CDH13: variants seen among roughly 807,000 people sequenced by gnomAD.
CDH13 encodes the protein cadherin-13.
A neutral mutation model predicts 63.8 loss-of-function variants in CDH13; 24 were observed. The observed-to-expected ratio is 0.38, with a 90% CI of 0.27 to 0.53. The LOEUF (loss-of-function observed/expected upper bound fraction) is 0.53, where lower values mean the gene tolerates loss of function less well. Among genes scored for constraint, CDH13 ranks in the 20% least tolerant of loss-of-function variants. The pLI, the probability that CDH13 is intolerant of heterozygous loss-of-function variation, is 0.85. For missense variants in CDH13, 1,049 were observed against 903.1 expected, an observed-to-expected ratio of 1.16 and a Z score of -2.07; for synonymous variants, 503 against 355.3, an observed-to-expected ratio of 1.42 and a Z score of -4.67.
At chr16:83,322,040 C>T (rs545038997) in intron 5 of CDH13, among the ~76,000 whole-genome samples, 1 of 152,164 alleles carries the variant, frequency 6.6e-6, no homozygotes, top group Non-Finnish European at 1.5e-5. Context: ...GGGACTTCAG[C>T]AGGGCTGGCT....
At chr16:82,935,757 C>T (rs1394569245) in intron 2 of CDH13, among the ~76,000 whole-genome samples, 5 of 152,044 alleles carry the variant, frequency 3.3e-5, no homozygotes, top group Admixed American at 2.0e-4. Context: ...GCTATGTTGC[C>T]TGGGGTATAT....
In CDH13 at chr16:83,216,307, C is replaced by T. The variant is rs1411035867; in HGVS notation, c.484-1038C>T. Among the ~76,000 whole-genome samples, 4 of 147,948 alleles carry T rather than the reference C, an allele frequency of 2.7e-5. No individual in the cohort carries two copies. In the South Asian group the frequency reaches 6.5e-4, roughly 24 times the overall value. The stretch of plus-strand genomic sequence containing the variant: ...GAACCCATTTTTATCTCTTTCATAG[C>T]TTTGGCCATGGCCAGCTTGCTGACT... On this transcript the variant is annotated intron_variant, in intron 4 of 13. Coordinates refer to ENST00000567109, the MANE Select transcript of CDH13 (RefSeq NM_001257.5).
At chr16:82,828,994 A>T (rs1160910252) in intron 1 of CDH13, among the ~76,000 whole-genome samples, 1 of 152,176 alleles carries the variant, frequency 6.6e-6, no homozygotes, top group Non-Finnish European at 1.5e-5. Flanking sequence ...ACAAGATTAG[A>T]TACCTTAGGC....
chr16:83,748,131 C>G lies in CDH13; in HGVS notation c.1562C>G (p.Ala521Gly), dbSNP rs1442095618. 3 of 1,613,868 alleles carry G rather than the reference C, an allele frequency of 1.9e-6. No homozygotes were observed. The highest frequency in any genetic ancestry group is 2.5e-6 in the Non-Finnish European group (3 of 1,179,840). ...AGGTATTCTGTTTACAAGGACCCAGCAGGTTGGCTGAATATTAACCCCATC... is the reference window on the plus strand; with the variant it reads ...AGGTATTCTGTTTACAAGGACCCAGGAGGTTGGCTGAATATTAACCCCATC... ...TIRYSVYKDPAGWLNINPING... is the reference protein window; with the variant it reads ...TIRYSVYKDPGGWLNINPING... The change falls in exon 11 of 14, where the codon GCA (alanine) becomes GGA (glycine). Residue 521 changes from alanine to glycine, a missense_variant. Coordinates refer to ENST00000567109, the MANE Select transcript of CDH13 (RefSeq NM_001257.5).
intron 1 of CDH13, among the ~76,000 whole-genome samples, chr16:82,739,125 T>C (rs1389458069): frequency 1.3e-5 from 2 of 152,236 alleles, no homozygotes; most frequent in African/African-American, 4.8e-5. Context: ...ATTCATTCTT[T>C]AGTTAGAATT....
At chr16:82,972,771 T>A (rs1908952025) in intron 2 of CDH13, among the ~76,000 whole-genome samples, 1 of 150,186 alleles carries the variant, frequency 6.7e-6, no homozygotes, top group Non-Finnish European at 1.5e-5. Context: ...GAATCAGCCT[T>A]GTGTTTACAA....
intron 2 of CDH13, among the ~76,000 whole-genome samples, chr16:82,904,044 C>G (rs117072370): frequency 3.9e-3 from 591 of 152,090 alleles, no homozygotes; most frequent in Non-Finnish European, 6.4e-3. Flanking sequence ...AAAATTATAA[C>G]CCGTTATTAA....
intron 3 of CDH13, among the ~76,000 whole-genome samples, chr16:83,096,413 A>G (rs1175893616): frequency 1.3e-5 from 2 of 152,222 alleles, no homozygotes; most frequent in East Asian, 3.9e-4. Flanking sequence ...AAGTTATCCA[A>G]TAGCTACTGA....
intron 6 of CDH13, among the ~76,000 whole-genome samples, chr16:83,434,988 T>TATAC (rs2072250649): frequency 1.3e-5 from 1 of 79,880 alleles, no homozygotes; most frequent in Non-Finnish European, 2.6e-5. Context: ...TAAATAAATA[T>TATAC]ATATATATAT....
chr16:83,464,665 C>T (rs868012920), intron 6 of CDH13, among the ~76,000 whole-genome samples: 1 of 152,086 alleles, frequency 6.6e-6, no homozygotes, highest in Middle Eastern at 3.2e-3. Context: ...TGGCCCTCCT[C>T]TTATTACAAG....
intron 2 of CDH13, among the ~76,000 whole-genome samples, chr16:82,988,761 CAA>C (rs34153442): frequency 0.16 from 16,100 of 98,916 alleles, 1,060 homozygotes; most frequent in Middle Eastern, 0.26. Flanking sequence ...AACTCCAACT[CAA>C]AAAAAAAAAA....
chr16:83,391,172 C>A (rs1157042558), intron 6 of CDH13, among the ~76,000 whole-genome samples: 2 of 151,840 alleles, frequency 1.3e-5, no homozygotes, highest in Non-Finnish European at 2.9e-5. Context: ...CTTTAGTATC[C>A]TTCTGTGACA....
intron 3 of CDH13, among the ~76,000 whole-genome samples, chr16:83,080,546 T>G (rs1186949476): frequency 6.6e-6 from 1 of 152,108 alleles, no homozygotes; most frequent in East Asian, 1.9e-4. Context: ...ATCTGTGAAA[T>G]AGAGTCTGTT....
rs530561988 is a variant in CDH13, at chr16:83,723,522, T to C, written c.1539-24586T>C. 1.3e-3 allele frequency among the ~76,000 whole-genome samples: 199 copies of C among 152,266 alleles called. 1 individual carries two copies. The highest frequency in any genetic ancestry group is 4.4e-3 in the African/African-American group (182 of 41,542). On this transcript the variant is annotated intron_variant, in intron 10 of 13. Transcript: ENST00000567109. ...CCCAGGCCTTCATGTGACTGTCTCC[T>C]TTTCACTTCAGTCTCACTATCATCT...
intron 4 of CDH13, among the ~76,000 whole-genome samples, chr16:83,140,897 T>C (rs1027413868): frequency 2.0e-5 from 3 of 152,324 alleles, no homozygotes; most frequent in Admixed American, 2.0e-4. Context: ...GCAATGTATT[T>C]TTTTCCCAGA....
chr16:82,685,711 C>G (rs142413432), intron 1 of CDH13, among the ~76,000 whole-genome samples: 1 of 152,224 alleles, frequency 6.6e-6, no homozygotes, highest in Admixed American at 6.5e-5. Flanking sequence ...TCAACCCCGC[C>G]TGGCTCAGGC....
In CDH13 at chr16:83,600,095, A is replaced by G. The variant is rs148847841; in HGVS notation, c.961-2359A>G. The stretch of plus-strand genomic sequence containing the variant: ...CAAGCATCTATACCGAGAGATGCCA[A>G]CGAAACCAGCCAGGAGCAAAATTAC... On this transcript the variant is annotated intron_variant, in intron 7 of 13. Transcript: ENST00000567109. 4.8e-3 allele frequency among the ~76,000 whole-genome samples: 728 copies of G among 152,312 alleles called. 10 individuals carry two copies. Among genetic ancestry groups the G allele is most frequent in the African/African-American group, 0.017 (687 of 41,566 alleles).
intron 1 of CDH13, among the ~76,000 whole-genome samples, chr16:82,799,251 G>A (rs150635042): frequency 6.6e-6 from 1 of 152,310 alleles, no homozygotes; most frequent in Non-Finnish European, 1.5e-5. Flanking sequence ...GTACAGTTCA[G>A]TTCCTTGTAC....
intron 5 of CDH13, among the ~76,000 whole-genome samples, chr16:83,311,781 A>T (rs2090005800): frequency 6.6e-6 from 1 of 152,160 alleles, no homozygotes; most frequent in Non-Finnish European, 1.5e-5. Context: ...CTTCCTAATA[A>T]AAGAAGAACC....
Sources: allele counts gnomAD v4.1 joint callset (sites outside exome capture counted in the v4.1 genomes callset), GRCh38; gene constraint gnomAD v4.1.1; transcripts MANE v1.5; gene names NCBI Gene and HGNC (gene_info 2026-07-23, HGNC 2026-07-21).